Variants in RBFOX1 observed in about 807,000 individuals in gnomAD.
The protein encoded by RBFOX1 is RNA binding protein fox-1 homolog 1.
Under a neutral mutation model 57.7 loss-of-function variants are expected in RBFOX1, and 8 were observed. The observed-to-expected ratio is 0.14, with a 90% CI of 0.08 to 0.25. The LOEUF is 0.25. RBFOX1 is among the 10% of genes least tolerant of loss of function. RBFOX1 has a pLI of 1.00. For synonymous variants in RBFOX1, 326 were observed against 222.4 expected (o/e 1.47, Z -4.15); for missense variants, 611 against 548.5 (o/e 1.11, Z -1.14).
chr16:7,526,208 C>A (rs114101689), intron 5 of RBFOX1, among the ~76,000 whole-genome samples: 1 of 152,202 alleles, frequency 6.6e-6, no homozygotes, highest in Non-Finnish European at 1.5e-5. Flanking sequence ...AAACCATCCT[C>A]CCTGCCCCAC....
intron 3 of RBFOX1, among the ~76,000 whole-genome samples, chr16:6,803,249 C>G (rs531479738): frequency 6.6e-6 from 1 of 152,222 alleles, no homozygotes; most frequent in African/African-American, 2.4e-5. Flanking sequence ...TGTTAGCTTT[C>G]TGCATGAAAG....
intron 12 of RBFOX1, among the ~76,000 whole-genome samples, chr16:7,654,269 T>A (rs1014700429): frequency 6.6e-6 from 1 of 152,204 alleles, no homozygotes; most frequent in East Asian, 1.9e-4. Flanking sequence ...ATTGCAAACA[T>A]CTGGTTATTA....
At chr16:7,607,807 G>A (rs181380211) in intron 10 of RBFOX1, among the ~76,000 whole-genome samples, 4 of 152,080 alleles carry the variant, frequency 2.6e-5, no homozygotes, top group Admixed American at 2.6e-4. Flanking sequence ...GGCCTTTTTC[G>A]ATAACTAAAA....
intron 3 of RBFOX1, among the ~76,000 whole-genome samples, chr16:6,930,461 G>A (rs1053882798): frequency 1.3e-5 from 2 of 152,156 alleles, no homozygotes; most frequent in African/African-American, 4.8e-5. Context: ...CCAGGCTGGA[G>A]CGCAGTGGTG....
At chr16:7,095,203 C>G (rs987263314) in intron 4 of RBFOX1, among the ~76,000 whole-genome samples, 1 of 152,158 alleles carries the variant, frequency 6.6e-6, no homozygotes, top group Non-Finnish European at 1.5e-5. Context: ...GTGGCACGAT[C>G]TCAGCTCACT....
At chr16:7,263,558 C>A (rs1161069524) in intron 4 of RBFOX1, among the ~76,000 whole-genome samples, 60 of 151,892 alleles carry the variant, frequency 4.0e-4, no homozygotes, top group Non-Finnish European at 8.8e-5. Context: ...GGGCTGAGGA[C>A]CACAGCTCCA....
intron 3 of RBFOX1, among the ~76,000 whole-genome samples, chr16:6,764,786 A>C (rs755952195): frequency 6.6e-6 from 1 of 152,004 alleles, no homozygotes; most frequent in East Asian, 1.9e-4. Context: ...AAAATATAAA[A>C]ATTAGCTAGG....
At chr16:5,242,151 A>G (rs1421507514) in intron 1 of RBFOX1, among the ~76,000 whole-genome samples, 1 of 152,126 alleles carries the variant, frequency 6.6e-6, no homozygotes, top group African/African-American at 2.4e-5. Context: ...ACAGACCCAC[A>G]AGTGTCTTAA....
At chr16:5,749,850 CCTT>C (rs1446591520) in intron 3 of RBFOX1, among the ~76,000 whole-genome samples, 3 of 152,154 alleles carry the variant, frequency 2.0e-5, no homozygotes, top group Admixed American at 6.5e-5. Context: ...TCGTCTGAAG[CCTT>C]CTTCTCTCAA....
chr16:7,012,952 C>A (rs1439079108), intron 3 of RBFOX1, among the ~76,000 whole-genome samples: 1 of 152,086 alleles, frequency 6.6e-6, no homozygotes, highest in South Asian at 2.1e-4. Flanking sequence ...TTGTGGTTGG[C>A]AGATGGCCAC....
chr16:6,540,729 C>T (rs944898738), intron 2 of RBFOX1, among the ~76,000 whole-genome samples: 9 of 150,936 alleles, frequency 6.0e-5, no homozygotes, highest in African/African-American at 2.0e-4. Flanking sequence ...TAAACATATT[C>T]AGATTTTAAA....
At chr16:5,648,388 G>C (rs557269810) in intron 3 of RBFOX1, among the ~76,000 whole-genome samples, 1 of 152,194 alleles carries the variant, frequency 6.6e-6, no homozygotes, top group African/African-American at 2.4e-5. Context: ...GACTGCGCAG[G>C]TGTGGTGCAC....
At chr16:7,124,779 C>G (rs1336809757) in intron 4 of RBFOX1, among the ~76,000 whole-genome samples, 1 of 151,982 alleles carries the variant, frequency 6.6e-6, no homozygotes, top group East Asian at 1.9e-4. Context: ...GAATGCTGCA[C>G]TTCCAATGAA....
At chr16:6,343,188 G>C (rs935840867) in intron 2 of RBFOX1, among the ~76,000 whole-genome samples, 1 of 152,004 alleles carries the variant, frequency 6.6e-6, no homozygotes, top group Non-Finnish European at 1.5e-5. Context: ...AGAAATTCGG[G>C]GAAAAATGGC....
intron 3 of RBFOX1, chr16:6,724,018 A>C (rs2066578466): frequency 6.6e-6 from 1 of 152,218 alleles, no homozygotes; most frequent in East Asian, 1.9e-4. Flanking sequence ...ATTTGCCTCT[A>C]CTATGGTCTG....
At chr16:7,210,513 C>T (rs1176531697) in intron 4 of RBFOX1, among the ~76,000 whole-genome samples, 1 of 152,138 alleles carries the variant, frequency 6.6e-6, no homozygotes, top group African/African-American at 2.4e-5. Context: ...TATAAAATGC[C>T]TTCACAGCAA....
At chr16:6,069,741 C>T (rs1192585150) in intron 1 of RBFOX1, among the ~76,000 whole-genome samples, 1 of 152,094 alleles carries the variant, frequency 6.6e-6, no homozygotes, top group East Asian at 1.9e-4. Context: ...AATCCCAACA[C>T]TTTGGGAGGC....
chr16:5,555,861 A>C lies in RBFOX1; in HGVS notation c.259-43041A>C, dbSNP rs538321119. ...ATATGGGAAAACCCCATATCTACTAAAAATACAAAATTAGCCGGTCGTGGT... is the reference window on the plus strand; with the variant it reads ...ATATGGGAAAACCCCATATCTACTACAAATACAAAATTAGCCGGTCGTGGT... On this transcript the variant is annotated intron_variant, in intron 2 of 2. Coordinates refer to the RBFOX1 transcript ENST00000585867. 4.6e-5 allele frequency among the ~76,000 whole-genome samples: 7 copies of C among 152,020 alleles called. No homozygotes were observed. The South Asian group carries it at 1.5e-3, about 32-fold the overall frequency.
intron 3 of RBFOX1, among the ~76,000 whole-genome samples, chr16:6,951,343 A>T (rs780540280): frequency 5.9e-5 from 9 of 152,176 alleles, no homozygotes; most frequent in Non-Finnish European, 7.3e-5. Context: ...GTCTGAGGGT[A>T]TTCTGGCTAA....
Sources: allele counts gnomAD v4.1 joint callset (sites outside exome capture counted in the v4.1 genomes callset), GRCh38; gene constraint gnomAD v4.1.1; transcripts MANE v1.5; gene names NCBI Gene and HGNC (gene_info 2026-07-23, HGNC 2026-07-21).